The following TMEM154 variants were observed in gnomAD, a reference collection of about 807,000 sequenced individuals.
TMEM154 encodes transmembrane protein 154.
In TMEM154, 27 loss-of-function variants were observed where a neutral mutation model predicts 24.5. The observed-to-expected ratio is 1.10, with a 90% confidence interval of 0.81 to 1.52. TMEM154 has a LOEUF of 1.52. Ranked by LOEUF, TMEM154 falls within the 40% of genes most tolerant of loss-of-function variation. TMEM154 has a pLI of 0.00. For synonymous variants in TMEM154, 67 were observed against 76.8 expected (o/e 0.87, Z 0.67); for missense variants, 228 against 213.4 (o/e 1.07, Z -0.43).
At chr4:152,674,311 TG>T (rs1168882208) in intron 1 of TMEM154, among the ~76,000 whole-genome samples, 1 of 67,006 alleles carries the variant, frequency 1.5e-5, no homozygotes, top group Non-Finnish European at 4.7e-5. Context: ...TTTCAGACCA[TG>T]GTATAAGAAA....
In TMEM154 at chr4:152,628,593, CAAA is replaced by C. The variant is rs531179875; in HGVS notation, c.537-35_537-33del. ...AAAAAAAAAAAAAAAAAAAAAAAAA[CAAA>C]AAAAACACACACACACACACAAAAC... On this transcript the variant is annotated intron_variant, in intron 6 of 6. Coordinates refer to ENST00000304385, the MANE Select transcript of TMEM154 (RefSeq NM_152680.3). 183 of 450,368 alleles carry C rather than the reference CAAA, an allele frequency of 4.1e-4. 3 individuals are homozygous for C. The African/African-American group carries it at 6.4e-3, about 16-fold the overall frequency. The allele number at this position is 450,368 out of a possible 1,614,324, so 27.9% of individuals were successfully genotyped here.
rs777972554 is a variant in TMEM154, at chr4:152,644,455, G to T, written c.365-13C>A. ...CTTCCCAGTTCATCTAAAAGGAAAT[G>T]AACATAAAGGTCATGTTAGCTTTGT... On this transcript the variant is annotated splice_polypyrimidine_tract_variant and intron_variant, in intron 3 of 6. Transcript: ENST00000304385. The T allele has an allele frequency of 1.7e-5, 27 of 1,613,714 alleles. No homozygotes were observed. In the African/African-American group the frequency reaches 3.1e-4, roughly 18 times the overall value.
chr4:152,674,532 G>A (rs952621468), intron 1 of TMEM154, among the ~76,000 whole-genome samples: 4 of 152,070 alleles, frequency 2.6e-5, no homozygotes, highest in African/African-American at 9.7e-5. Context: ...TGCCGGCTCT[G>A]GTCTGCCAGC....
intron 5 of TMEM154, 22 bp downstream of exon 5, chr4:152,643,066 A>G (rs371293226): frequency 7.0e-5 from 111 of 1,590,798 alleles, no homozygotes; most frequent in Middle Eastern, 6.9e-4. Flanking sequence ...AAGAAAAAAA[A>G]CAACTTTAGG....
At chr4:152,672,215 C>T (rs1021930951) in intron 1 of TMEM154, among the ~76,000 whole-genome samples, 1 of 151,834 alleles carries the variant, frequency 6.6e-6, no homozygotes, top group Non-Finnish European at 1.5e-5. Flanking sequence ...CAAGATCGTG[C>T]CACTGTACTA....
intron 5 of TMEM154, among the ~76,000 whole-genome samples, chr4:152,641,648 T>C (rs906265790): frequency 6.6e-6 from 1 of 150,496 alleles, no homozygotes. Context: ...TGTGGTGAAT[T>C]TTTTTCTTCT....
intron 1 of TMEM154, among the ~76,000 whole-genome samples, chr4:152,654,093 A>T (rs1249011653): frequency 3.3e-5 from 5 of 152,192 alleles, no homozygotes; most frequent in African/African-American, 9.6e-5. Flanking sequence ...TCAGGATGAG[A>T]AAGGACTACT....
chr4:152,656,700 T>C (rs934657244), intron 1 of TMEM154, among the ~76,000 whole-genome samples: 1 of 151,940 alleles, frequency 6.6e-6, no homozygotes, highest in African/African-American at 2.4e-5. Flanking sequence ...GGCAGGTGGA[T>C]CACCTGAGGT....
intron 6 of TMEM154, among the ~76,000 whole-genome samples, chr4:152,639,965 G>A (rs972414010): frequency 9.2e-5 from 14 of 152,166 alleles, no homozygotes; most frequent in Non-Finnish European, 1.9e-4. Context: ...GAATTCTTAA[G>A]TGAGGTTTAG....
intron 1 of TMEM154, among the ~76,000 whole-genome samples, chr4:152,672,842 C>T (rs1728876013): frequency 6.6e-6 from 1 of 152,164 alleles, no homozygotes; most frequent in East Asian, 1.9e-4. Context: ...TCCTAAAAGG[C>T]TAGAGAGTAA....
chr4:152,659,037 G>A (rs28858132), intron 1 of TMEM154, among the ~76,000 whole-genome samples: 88,228 of 151,908 alleles, frequency 0.58, 25,785 homozygotes, highest in Admixed American at 0.63. Context: ...AAATAAATCA[G>A]TATATCAAAG....
At chr4:152,634,955 A>T (rs1752119829) in intron 6 of TMEM154, among the ~76,000 whole-genome samples, 2 of 152,198 alleles carry the variant, frequency 1.3e-5, no homozygotes, top group Non-Finnish European at 2.9e-5. Flanking sequence ...TTTTGACTTC[A>T]GATTTTTTTA....
chr4:152,641,258 C>A lies in TMEM154; in HGVS notation c.479-273G>T. 8.0e-6 allele frequency: 3 copies of A among 374,096 alleles called. No individual in the cohort carries two copies. In the South Asian group the frequency reaches 1.3e-4, roughly 16 times the overall value. 23.2% of individuals were successfully genotyped at this position (374,096 alleles called of 1,614,324 possible). A position where few individuals can be genotyped will look rare whatever the true frequency, so the allele number is the denominator to read the frequency against. The stretch of plus-strand genomic sequence containing the variant: ...GCTTGGTTATTCTGTCCCTGCAGCA[C>A]CCCAGTGCTCCAAAAGCTAGAATCT... On this transcript the variant is annotated intron_variant, in intron 5 of 6. Transcript: ENST00000304385.
At chr4:152,671,333 C>A (rs1223599349) in intron 1 of TMEM154, among the ~76,000 whole-genome samples, 1 of 152,040 alleles carries the variant, frequency 6.6e-6, no homozygotes, top group African/African-American at 2.4e-5. Context: ...GATGAAGAAC[C>A]ACTGAGGGAT....
chr4:152,642,596 G>C, intron 5 of TMEM154, among the ~76,000 whole-genome samples: 1 of 152,098 alleles, frequency 6.6e-6, no homozygotes, highest in Admixed American at 6.5e-5. Flanking sequence ...TGTCCACTTA[G>C]TAGCCATTGG....
chr4:152,661,314 C>T (rs895359718), intron 1 of TMEM154, among the ~76,000 whole-genome samples: 1 of 146,744 alleles, frequency 6.8e-6, no homozygotes, highest in Admixed American at 6.8e-5. Context: ...CTCTCTCTCT[C>T]TCTCTCTCTC....
intron 2 of TMEM154, 36 bp from the exon 3 acceptor site, chr4:152,652,612 T>C (rs1225920095): frequency 1.2e-6 from 2 of 1,613,770 alleles, no homozygotes; most frequent in African/African-American, 2.7e-5. Context: ...TTTTATTGAT[T>C]GTTCACTAAC....
intron 1 of TMEM154, among the ~76,000 whole-genome samples, chr4:152,659,110 C>T (rs144385724): frequency 1.8e-3 from 277 of 152,190 alleles, no homozygotes; most frequent in African/African-American, 5.7e-3. Context: ...TGAAATCAAC[C>T]GACGTATCTA....
intron 1 of TMEM154, among the ~76,000 whole-genome samples, chr4:152,663,081 G>A (rs978709615): frequency 3.3e-5 from 5 of 152,114 alleles, no homozygotes; most frequent in African/African-American, 9.7e-5. Flanking sequence ...CTAGCCCATA[G>A]TGTTCATATG....
Sources: gnomAD v4.1 joint callset for allele counts (sites outside exome capture counted in the v4.1 genomes callset) on GRCh38, gnomAD v4.1.1 for gene constraint, MANE v1.5 for transcripts, NCBI Gene and HGNC (gene_info 2026-07-23, HGNC 2026-07-21) for gene names.